Variants in HSF5 observed in about 807,000 individuals in gnomAD.
HSF5 encodes heat shock transcription factor 5.
A neutral mutation model predicts 50.8 loss-of-function variants in HSF5; 5 were observed. The observed-to-expected ratio is 0.10, with a 90% CI of 0.05 to 0.21. HSF5 has a LOEUF of 0.21. Among genes scored for constraint, HSF5 ranks in the 10% least tolerant of loss-of-function variants. HSF5 has a pLI of 1.00. For missense variants in HSF5, 564 were observed against 762.6 expected (o/e 0.74, Z 3.07); for synonymous variants, 307 against 307.4 (o/e 1.00, Z 0.02).
Position 58,476,104 on chromosome 17 carries a change from A to G in HSF5, c.925+3789T>C, listed in dbSNP as rs566591813. On this transcript the variant is annotated intron_variant, in intron 2 of 5. Coordinates refer to ENST00000323777, the MANE Select transcript of HSF5 (RefSeq NM_001080439.3). ...GACTGGAGAAAATTTTTAAAAAGGAAGGTCAGAATCCATCAGTGTTCTATT... is the reference window on the plus strand; with the variant it reads ...GACTGGAGAAAATTTTTAAAAAGGAGGGTCAGAATCCATCAGTGTTCTATT... The G allele has an allele frequency of 5.5e-5, 44 of 799,082 alleles. No homozygotes were observed. In the South Asian group the frequency reaches 7.6e-4, roughly 14 times the overall value. 49.5% of individuals were successfully genotyped at this position (799,082 alleles called of 1,614,324 possible).
At chr17:58,481,344 A>G (rs1201238096) in intron 1 of HSF5, among the ~76,000 whole-genome samples, 3 of 152,220 alleles carry the variant, frequency 2.0e-5, no homozygotes, top group Admixed American at 6.5e-5. Context: ...TTTATTAGCA[A>G]TGTAAAAAGG....
intron 5 of HSF5, among the ~76,000 whole-genome samples, chr17:58,447,066 A>C (rs906419057): frequency 2.0e-5 from 3 of 152,058 alleles, no homozygotes; most frequent in African/African-American, 7.3e-5. Context: ...CAGAGGTTTC[A>C]GTGAGCCAAG....
chr17:58,477,148 C>A (rs1340694241), intron 2 of HSF5, among the ~76,000 whole-genome samples: 11 of 142,802 alleles, frequency 7.7e-5, no homozygotes, highest in Admixed American at 2.8e-4. Flanking sequence ...GAGATGGAGT[C>A]CTGCTCTGTC....
intron 5 of HSF5, among the ~76,000 whole-genome samples, chr17:58,442,332 A>G (rs1175370020): frequency 6.6e-6 from 1 of 152,252 alleles, no homozygotes; most frequent in Non-Finnish European, 1.5e-5. Context: ...CAGGATGTAT[A>G]TAACTTTTCA....
At position 58,458,833 on chromosome 17, in the gene HSF5, GTGTCT is replaced by G; in HGVS notation, c.1650_1654del (p.Glu550AspfsTer23). The G allele has an allele frequency of 2.5e-6, 4 of 1,614,150 alleles. No homozygotes were observed. The highest frequency in any genetic ancestry group is 3.4e-6 in the Non-Finnish European group (4 of 1,180,016). On this transcript the variant is annotated frameshift_variant, in exon 5 of 6. Coordinates refer to ENST00000323777, the MANE Select transcript of HSF5 (RefSeq NM_001080439.3). LOFTEE classifies it high-confidence loss of function. ...GTATCTGGCTGGAGTGGCTAAACCT[GTGTCT>G]TCACTAGGCTTGCTAGCAGGCCCCA...
intron 5 of HSF5, among the ~76,000 whole-genome samples, chr17:58,446,975 A>T (rs1974570207): frequency 6.6e-6 from 1 of 152,150 alleles, no homozygotes. Context: ...AAATGCAAAA[A>T]TTAGCCAGGT....
intron 2 of HSF5, among the ~76,000 whole-genome samples, chr17:58,477,347 C>T (rs1385209257): frequency 2.6e-5 from 4 of 151,920 alleles, no homozygotes; most frequent in African/African-American, 7.3e-5. Context: ...GTCTCGAACT[C>T]CTGACCTCAT....
rs1598203027 is a variant in HSF5 at position 58,480,025 on chromosome 17, C to G, written c.793G>C (p.Val265Leu). 2 of 1,614,062 alleles carry G rather than the reference C, an allele frequency of 1.2e-6. No individual in the cohort carries two copies. The highest frequency in any genetic ancestry group is 4.5e-5 in the East Asian group (2 of 44,876). ...GTGCTGGGCTGCAGTGTATAGGTAACCTCAGTTGGAAACCTCTGGAGTACA... is the reference window on the plus strand; with the variant it reads ...GTGCTGGGCTGCAGTGTATAGGTAAGCTCAGTTGGAAACCTCTGGAGTACA... ...FPVLQRFPTE[V>L]TYTLQPSTTS... The change falls in exon 2 of 6, where the codon GTT (valine) becomes CTT (leucine). Residue 265 changes from valine (V) to leucine (L), a missense_variant. Around this residue, in one of 5 missense-constraint regions of HSF5, gnomAD observed 441 missense variants for 533.6 expected, o/e 0.83. Transcript: ENST00000323777.
intron 5 of HSF5, among the ~76,000 whole-genome samples, chr17:58,449,670 A>G (rs1458499640): frequency 2.0e-5 from 3 of 151,264 alleles, no homozygotes; most frequent in African/African-American, 7.3e-5. Context: ...ACTGCACTCC[A>G]GCCCAGGTGA....
chr17:58,477,089 G>C (rs1975023881), intron 2 of HSF5: 4 of 452,940 alleles, frequency 8.8e-6, no homozygotes, highest in Non-Finnish European at 1.6e-5. Flanking sequence ...CCTGACGACA[G>C]GTATGGGCTA....
At chr17:58,428,682 G>A (rs754133786) in intron 5 of HSF5, among the ~76,000 whole-genome samples, 91 of 151,940 alleles carry the variant, frequency 6.0e-4, no homozygotes, top group Non-Finnish European at 1.0e-3. Flanking sequence ...AAACCACAAC[G>A]AATTACACCT....
intron 2 of HSF5, chr17:58,476,812 A>G: frequency 6.3e-7 from 1 of 1,576,184 alleles, no homozygotes; most frequent in Non-Finnish European, 8.7e-7. Context: ...TGGCTTGTTC[A>G]TTAAGTCTGT....
At chr17:58,450,552 G>A (rs1974625725) in intron 5 of HSF5, among the ~76,000 whole-genome samples, 2 of 151,462 alleles carry the variant, frequency 1.3e-5, no homozygotes, top group South Asian at 4.2e-4. Flanking sequence ...TCGGGAGTTC[G>A]AGACCAGCCT....
chr17:58,455,932 A>T (rs1974705275), intron 5 of HSF5, among the ~76,000 whole-genome samples: 1 of 152,148 alleles, frequency 6.6e-6, no homozygotes, highest in Non-Finnish European at 1.5e-5. Flanking sequence ...GAAGGTTCTT[A>T]AAAAATTAAA....
Position 58,486,902 on chromosome 17 carries a change from CTTTTTTTT to C in HSF5, c.550+815_550+822del, listed in dbSNP as rs11351236. On this transcript the variant is annotated intron_variant, in intron 1 of 5. Transcript: ENST00000323777. ...GCTATTGTAATGTTCTAAGTTCTCT[CTTTTTTTT>C]TTTTTTTTTTTTTTTGAGACCGAGT... 3.9e-3 allele frequency among the ~76,000 whole-genome samples: 308 copies of C among 79,924 alleles called. 3 individuals are homozygous for C. The highest frequency in any genetic ancestry group is 0.014 in the African/African-American group (299 of 21,070). The allele number at this position is 79,924 out of a possible 152,430, so 52.4% of individuals were successfully genotyped here.
intron 2 of HSF5, 36 bp downstream of exon 2, chr17:58,479,857 C>T: frequency 6.4e-7 from 1 of 1,558,818 alleles, no homozygotes; most frequent in Admixed American, 1.9e-5. Flanking sequence ...TATAAACAAC[C>T]TTAAATAGAA....
At chr17:58,475,663 A>G (rs1369726700) in intron 2 of HSF5, among the ~76,000 whole-genome samples, 2 of 152,046 alleles carry the variant, frequency 1.3e-5, no homozygotes, top group Non-Finnish European at 2.9e-5. Flanking sequence ...ATTTTCTAAG[A>G]TTTTGTTTTG....
chr17:58,475,256 A>G (rs1042552416), intron 2 of HSF5, among the ~76,000 whole-genome samples: 2 of 152,250 alleles, frequency 1.3e-5, no homozygotes, highest in Non-Finnish European at 2.9e-5. Flanking sequence ...AGTGAGTACT[A>G]TTAAATAGAA....
Position 58,456,096 on chromosome 17 carries a change from G to A in HSF5, c.1720+2672C>T, listed in dbSNP as rs534892941. 2.0e-5 allele frequency among the ~76,000 whole-genome samples: 3 copies of A among 150,960 alleles called. No individual in the cohort carries two copies. The East Asian group carries it at 5.8e-4, about 29-fold the overall frequency. On this transcript the variant is annotated intron_variant, in intron 5 of 5. Coordinates refer to ENST00000323777, the MANE Select transcript of HSF5 (RefSeq NM_001080439.3). The stretch of plus-strand genomic sequence containing the variant: ...GGATCAACCTAAATACGCATCTACA[G>A]ATGAATAAAGAAAATGTGATATATA...
Sources: gnomAD v4.1 joint callset for allele counts (sites outside exome capture counted in the v4.1 genomes callset) on GRCh38, gnomAD v4.1.1 for gene constraint, gnomAD v4.1.1 regional missense constraint, MANE v1.5 for transcripts, NCBI Gene and HGNC (gene_info 2026-07-23, HGNC 2026-07-21) for gene names.